VTI1B: variants seen among roughly 807,000 people sequenced by gnomAD.
VTI1B encodes the protein vesicle transport through interaction with t-SNAREs homolog 1B.
A neutral mutation model predicts 28.6 loss-of-function variants in VTI1B; 18 were observed. That is an observed-to-expected ratio of 0.63 (90% CI 0.43 to 0.93). The LOEUF (loss-of-function observed/expected upper bound fraction) is 0.93. VTI1B is among the 40% of genes least tolerant of loss of function. The pLI is 0.00. For synonymous variants in VTI1B, 100 were observed against 107.9 expected, an observed-to-expected ratio of 0.93 and a Z score of 0.46; for missense variants, 283 against 297.0, an observed-to-expected ratio of 0.95 and a Z score of 0.35.
At chr14:67,662,299 C>T (rs1400693941) in intron 2 of VTI1B, among the ~76,000 whole-genome samples, 178 bp downstream of exon 2, 1 of 152,152 alleles carries the variant, frequency 6.6e-6, no homozygotes. Flanking sequence ...TCAGGCTTCA[C>T]CCATTTGTTT....
At chr14:67,660,592 C>T (rs1313641656) in intron 2 of VTI1B, among the ~76,000 whole-genome samples, 1 of 152,128 alleles carries the variant, frequency 6.6e-6, no homozygotes, top group Non-Finnish European at 1.5e-5. Flanking sequence ...TCTCCTGCTC[C>T]TCTTTCTGAA....
At chr14:67,673,085 C>G (rs1387183408) in intron 1 of VTI1B, among the ~76,000 whole-genome samples, 1 of 152,198 alleles carries the variant, frequency 6.6e-6, no homozygotes, top group African/African-American at 2.4e-5. Context: ...CTTTCACAAC[C>G]GCCCTATTTA....
At position 67,647,884 on chromosome 14, in the gene VTI1B, C is replaced by A; in HGVS notation, c.*3501G>T. 1 of 704,240 alleles carries A rather than the reference C, an allele frequency of 1.4e-6. No homozygotes were observed. The highest frequency in any genetic ancestry group is 2.0e-5 in the South Asian group (1 of 49,766). 43.6% of individuals were successfully genotyped at this position (704,240 alleles called of 1,614,324 possible). The stretch of plus-strand genomic sequence containing the variant: ...AAGTTAATATTGCCAATCTCAGTAA[C>A]TTCCAAGAATAGGAAGCCTGGAAAT... On this transcript the variant is annotated 3_prime_UTR_variant, in exon 6 of 6. Coordinates refer to ENST00000554659, the MANE Select transcript of VTI1B (RefSeq NM_006370.3).
chr14:67,664,288 C>T (rs1211410026), intron 1 of VTI1B, among the ~76,000 whole-genome samples: 1 of 152,124 alleles, frequency 6.6e-6, no homozygotes, highest in South Asian at 2.1e-4. Flanking sequence ...CCATCAAATA[C>T]CTCCCCATTC....
Position 67,649,396 on chromosome 14 carries a change from G to GT in VTI1B, c.*1988dup, listed in dbSNP as rs1034869512. On this transcript the variant is annotated 3_prime_UTR_variant, in exon 6 of 6. Coordinates refer to ENST00000554659, the MANE Select transcript of VTI1B (RefSeq NM_006370.3). Reference sequence around the variant, plus strand: ...GCCAGGTGTCCCAACTACTTGGGAGGTTGAGGCTGCAGTGAGCCATGATTG... The same window carrying GT: ...GCCAGGTGTCCCAACTACTTGGGAGGTTTGAGGCTGCAGTGAGCCATGATTG... 7.2e-5 allele frequency: 11 copies of GT among 152,230 alleles called. No individual in the cohort carries two copies. Among genetic ancestry groups the GT allele is most frequent in the African/African-American group, 2.6e-4 (11 of 41,510 alleles). The allele number at this position is 152,230 out of a possible 1,614,324, so 9.4% of individuals were successfully genotyped here.
At chr14:67,655,137 C>T (rs993975876) in intron 4 of VTI1B, among the ~76,000 whole-genome samples, 2 of 150,434 alleles carry the variant, frequency 1.3e-5, no homozygotes, top group Non-Finnish European at 2.9e-5. Flanking sequence ...CCCAGGAGTT[C>T]GAGAGCAACT....
chr14:67,673,135 G>A (rs1026283738), intron 1 of VTI1B, among the ~76,000 whole-genome samples: 13 of 152,158 alleles, frequency 8.5e-5, no homozygotes, highest in Admixed American at 3.3e-4. Flanking sequence ...TTGAGGTCAG[G>A]AGTTAGAGAT....
chr14:67,656,443 T>C lies in VTI1B; in HGVS notation c.513A>G (p.Arg171=), dbSNP rs753063604. The stretch of plus-strand genomic sequence containing the variant: ...TACTCTTGGTACGTTCTAACTGGTC[T>C]CGTTGTTCCCCCAGCTCTTCTATGA... The part of the protein sequence containing the change: ...SEIIEELGEQ[R]DQLERTKSRL... The change falls in exon 4 of 6, where the codon CGA becomes CGG. Residue 171 remains arginine, a synonymous_variant. Coordinates refer to ENST00000554659, the MANE Select transcript of VTI1B (RefSeq NM_006370.3). 3.1e-5 allele frequency: 50 copies of C among 1,613,472 alleles called. 1 individual carries two copies. The Admixed American group carries it at 8.0e-4, about 26-fold the overall frequency.
In VTI1B at chr14:67,674,369, C is replaced by A. The variant is rs1379045361; in HGVS notation, c.115+6G>T. ...CTCCCCACGGCGTGGCCCACCCCCG[C>A]CTCACCGGTCCCCGCCGTCCCCAGC... is the stretch of plus-strand genomic sequence containing the variant. On this transcript the variant is annotated splice_donor_region_variant and intron_variant, in intron 1 of 5. Coordinates refer to ENST00000554659, the MANE Select transcript of VTI1B (RefSeq NM_006370.3). The A allele has an allele frequency of 3.1e-6, 5 of 1,588,056 alleles. No individual in the cohort carries two copies. Among genetic ancestry groups the A allele is most frequent in the Non-Finnish European group, 4.3e-6 (5 of 1,169,328 alleles).
chr14:67,656,497 G>A lies in VTI1B; in HGVS notation c.459C>T (p.Ala153=). ...CTGAGCCAATCTGGTCAGTCTCTGT[G>A]GCAATCCGATGAGAACGTTCAATAC... ...TQSIERSHRI[A]TETDQIGSEI... Residue 153 remains alanine, a synonymous_variant, in exon 4 of 6, where the codon GCC becomes GCT. Transcript: ENST00000554659. 1 of 1,613,892 alleles carries A rather than the reference G, an allele frequency of 6.2e-7. No homozygotes were observed. Among genetic ancestry groups the A allele is most frequent in the Non-Finnish European group, 8.5e-7 (1 of 1,179,902 alleles).
At chr14:67,660,594 C>G (rs149033850) in intron 2 of VTI1B, among the ~76,000 whole-genome samples, 1 of 152,196 alleles carries the variant, frequency 6.6e-6, no homozygotes, top group Admixed American at 6.5e-5. Context: ...TCCTGCTCCT[C>G]TTTCTGAAAA....
chr14:67,653,852 A>G (rs954297333), intron 4 of VTI1B, among the ~76,000 whole-genome samples: 1 of 152,240 alleles, frequency 6.6e-6, no homozygotes, highest in African/African-American at 2.4e-5. Flanking sequence ...TTCATCAGCC[A>G]AATTCCAGGA....
chr14:67,669,436 CTT>C (rs562106281), intron 1 of VTI1B, among the ~76,000 whole-genome samples: 3 of 144,692 alleles, frequency 2.1e-5, no homozygotes, highest in Admixed American at 6.9e-5. Flanking sequence ...CACTACTCAG[CTT>C]TTTTTTTTTT....
chr14:67,662,920 A>AAC, intron 1 of VTI1B: 15 of 1,273,276 alleles, frequency 1.2e-5, no homozygotes, highest in Non-Finnish European at 7.9e-6. Flanking sequence ...AAAAAAAAAA[A>AAC]AGAATGTTTA....
chr14:67,662,962 T>C, intron 1 of VTI1B: 1 of 1,255,186 alleles, frequency 8.0e-7, no homozygotes, highest in East Asian at 3.7e-5. Flanking sequence ...CCCTCACCAC[T>C]CCCACAGTGA....
chr14:67,667,511 G>A (rs572593001), intron 1 of VTI1B, among the ~76,000 whole-genome samples: 6 of 152,246 alleles, frequency 3.9e-5, no homozygotes, highest in African/African-American at 1.4e-4. Flanking sequence ...GTTTGAAAGG[G>A]TTAAAAGAAA....
chr14:67,653,377 A>G, intron 5 of VTI1B, 60 bp downstream of exon 5: 2 of 1,482,886 alleles, frequency 1.3e-6, no homozygotes, highest in Non-Finnish European at 1.9e-6. Flanking sequence ...TCACTATTTT[A>G]AGCTTTTTGG....
intron 2 of VTI1B, among the ~76,000 whole-genome samples, chr14:67,660,793 A>G (rs977164823): frequency 7.9e-5 from 12 of 152,226 alleles, no homozygotes; most frequent in African/African-American, 2.9e-4. Context: ...CTGAGTTTGG[A>G]GAAAACAAGT....
intron 1 of VTI1B, among the ~76,000 whole-genome samples, chr14:67,666,267 C>T (rs555072967): frequency 1.5e-4 from 23 of 152,162 alleles, no homozygotes; most frequent in Admixed American, 3.3e-4. Flanking sequence ...TATGAAAATC[C>T]GCATTCTCAA....
Sources: gnomAD v4.1 joint callset for allele counts (sites outside exome capture counted in the v4.1 genomes callset) on GRCh38, gnomAD v4.1.1 for gene constraint, MANE v1.5 for transcripts, NCBI Gene and HGNC (gene_info 2026-07-23, HGNC 2026-07-21) for gene names.